Variants in COQ9 observed in about 807,000 individuals in gnomAD.
The protein encoded by COQ9 is coenzyme Q9, also known as ubiquinone biosynthesis protein COQ9, mitochondrial.
COQ9 carries 35 observed loss-of-function variants against 42.4 expected under a neutral mutation model. That is an observed-to-expected ratio of 0.83 (90% CI 0.63 to 1.10). The LOEUF (loss-of-function observed/expected upper bound fraction) is 1.10, where lower values mean the gene tolerates loss of function less well. COQ9 is among the 50% of genes least tolerant of loss of function. COQ9 has a pLI of 0.00. For synonymous variants in COQ9, 155 were observed against 155.1 expected, an observed-to-expected ratio of 1.00 and a Z score of 0.00; for missense variants, 406 against 414.6, an observed-to-expected ratio of 0.98 and a Z score of 0.18.
At chr16:57,452,769 G>C in intron 2 of COQ9, 32 bp from the exon 3 acceptor site, 1 of 1,612,504 alleles carries the variant, frequency 6.2e-7, no homozygotes, top group Non-Finnish European at 8.5e-7. Context: ...GCCAGGAGAT[G>C]AAGTATGCTG....
intron 3 of COQ9, chr16:57,453,524 G>GAT (rs1466857529): frequency 1.2e-5 from 2 of 166,654 alleles, no homozygotes; most frequent in African/African-American, 4.8e-5. Context: ...AGCATAGCAA[G>GAT]ATACCATCCT....
intron 3 of COQ9, chr16:57,454,352 T>C (rs1193209729): frequency 6.6e-6 from 1 of 152,214 alleles, no homozygotes; most frequent in African/African-American, 2.4e-5. Flanking sequence ...ATAGTCTAAT[T>C]TGTCCTATTA....
chr16:57,457,320 G>A (rs1456287910), intron 5 of COQ9: 1 of 452,142 alleles, frequency 2.2e-6, no homozygotes, highest in East Asian at 4.7e-5. Context: ...AGGAATCCAT[G>A]CAGGAGGTTA....
chr16:57,450,121 A>C (rs1474382664), intron 1 of COQ9, among the ~76,000 whole-genome samples: 2 of 152,130 alleles, frequency 1.3e-5, no homozygotes, highest in Admixed American at 1.3e-4. Flanking sequence ...GTGTTTGAAA[A>C]TTTTTATAAT....
intron 3 of COQ9, among the ~76,000 whole-genome samples, chr16:57,456,066 GAAAA>G (rs1270340496): frequency 4.0e-5 from 6 of 151,714 alleles, no homozygotes; most frequent in African/African-American, 1.5e-4. Flanking sequence ...AAAGTAAAAA[GAAAA>G]AAGAAAGAAA....
intron 8 of COQ9, 86 bp downstream of exon 8, chr16:57,460,190 TAG>T: frequency 7.4e-7 from 1 of 1,353,596 alleles, no homozygotes; most frequent in Non-Finnish European, 1.1e-6. Context: ...CATCATTTTG[TAG>T]CCCTAACCTG....
chr16:57,458,132 C>G (rs1334374515), intron 5 of COQ9, 114 bp from the exon 6 acceptor site: 3 of 784,048 alleles, frequency 3.8e-6, no homozygotes, highest in East Asian at 5.4e-5. Context: ...ATGCTGGTCT[C>G]AGAGAACCAG....
intron 5 of COQ9, 92 bp downstream of exon 5, chr16:57,457,107 C>G (rs1430020144): frequency 1.0e-6 from 1 of 968,672 alleles, no homozygotes; most frequent in Non-Finnish European, 1.7e-6. Context: ...GTACACTGTT[C>G]AGAACTTAGC....
chr16:57,456,894 C>T (rs2030416578), intron 4 of COQ9, 37 bp from the exon 5 acceptor site: 1 of 1,568,018 alleles, frequency 6.4e-7, no homozygotes, highest in East Asian at 2.2e-5. Flanking sequence ...CCCTGCCTTT[C>T]ACTCAGAGAC....
chr16:57,451,020 C>T lies in COQ9; in HGVS notation c.74-20C>T, dbSNP rs372619068. 35 of 1,613,220 alleles carry T rather than the reference C, an allele frequency of 2.2e-5. No individual in the cohort carries two copies. The highest frequency in any genetic ancestry group is 1.8e-4 in the Middle Eastern group (1 of 5,602). On this transcript the variant is annotated intron_variant, in intron 1 of 8. Transcript: ENST00000262507. ...GGTCTTCTCTGTTGAATGTCCCTGA[C>T]TGACCAGTTTCTGTTTCAGTGGCCC...
intron 6 of COQ9, among the ~76,000 whole-genome samples, chr16:57,459,158 G>C (rs1386470474): frequency 6.6e-6 from 1 of 152,186 alleles, no homozygotes; most frequent in Non-Finnish European, 1.5e-5. Flanking sequence ...GCCTCTCTCA[G>C]CCCTCACTTT....
intron 6 of COQ9, among the ~76,000 whole-genome samples, chr16:57,458,967 C>T (rs1028030916): frequency 5.3e-5 from 8 of 152,186 alleles, no homozygotes; most frequent in African/African-American, 1.7e-4. Context: ...AAACTTCCTC[C>T]ATGTGGGAAT....
intron 5 of COQ9, among the ~76,000 whole-genome samples, chr16:57,457,750 T>C (rs547325505): frequency 3.3e-5 from 5 of 152,352 alleles, no homozygotes; most frequent in Admixed American, 6.5e-5. Flanking sequence ...ACTGCCTTCC[T>C]GATTCAGCAT....
At chr16:57,453,295 C>G in intron 3 of COQ9, 2 of 348,226 alleles carry the variant, frequency 5.7e-6, no homozygotes, top group South Asian at 2.7e-5. Flanking sequence ...TATGACAAAG[C>G]ACTTCTGTGA....
intron 3 of COQ9, 188 bp from the exon 4 acceptor site, chr16:57,456,316 C>T (rs1296655678): frequency 3.1e-6 from 2 of 651,374 alleles, no homozygotes; most frequent in Non-Finnish European, 5.6e-6. Flanking sequence ...AGATCCCACT[C>T]TTGCACACAC....
At position 57,451,025 on chromosome 16, in the gene COQ9, C is replaced by G. The variant is rs1184785346; in HGVS notation, c.74-15C>G. On this transcript the variant is annotated splice_polypyrimidine_tract_variant and intron_variant, in intron 1 of 8. Transcript: ENST00000262507. ...TCTCTGTTGAATGTCCCTGACTGAC[C>G]AGTTTCTGTTTCAGTGGCCCGTTGC... 6.2e-7 allele frequency: 1 copy of G among 1,613,462 alleles called. No individual in the cohort carries two copies. Among genetic ancestry groups the G allele is most frequent in the African/African-American group, 1.3e-5 (1 of 74,980 alleles).
At chr16:57,453,006 G>C (rs751687139) in intron 3 of COQ9, 70 bp downstream of exon 3, 9 of 1,592,312 alleles carry the variant, frequency 5.7e-6, no homozygotes, top group Non-Finnish European at 7.7e-6. Flanking sequence ...GGCAGAGCGG[G>C]GGGCCTCATG....
chr16:57,451,880 T>G (rs1046493861), intron 2 of COQ9, among the ~76,000 whole-genome samples: 1 of 152,218 alleles, frequency 6.6e-6, no homozygotes, highest in Non-Finnish European at 1.5e-5. Context: ...TGTGAATCTC[T>G]CCTTAGAAGT....
Position 57,461,237 on chromosome 16 carries a change from G to C in COQ9, c.*613G>C. 1 of 434,200 alleles carries C rather than the reference G, an allele frequency of 2.3e-6. No individual in the cohort carries two copies. The highest frequency in any genetic ancestry group is 3.5e-4 in the Middle Eastern group (1 of 2,896). 26.9% of individuals were successfully genotyped at this position (434,200 alleles called of 1,614,324 possible). On this transcript the variant is annotated 3_prime_UTR_variant, in exon 9 of 9. Transcript: ENST00000262507. ...TTGCAGGATTATTAGTGTATTTTGA[G>C]TCTGTAAAAATAATAAATATGTTTG...
Sources: gnomAD v4.1 joint callset for allele counts (sites outside exome capture counted in the v4.1 genomes callset) on GRCh38, gnomAD v4.1.1 for gene constraint, MANE v1.5 for transcripts, NCBI Gene and HGNC (gene_info 2026-07-23, HGNC 2026-07-21) for gene names.